Variants in CAMKK2 observed in about 807,000 individuals in gnomAD.
The protein encoded by CAMKK2 is calcium/calmodulin-dependent protein kinase kinase 2.
A neutral mutation model predicts 67.2 loss-of-function variants in CAMKK2; 30 were observed. The observed-to-expected ratio is 0.45, with a 90% confidence interval of 0.33 to 0.61. The LOEUF (loss-of-function observed/expected upper bound fraction) is 0.61, where lower values mean the gene tolerates loss of function less well. CAMKK2 is among the 20% of genes least tolerant of loss of function. CAMKK2 has a pLI of 0.02. For synonymous variants in CAMKK2, 322 were observed against 326.2 expected (o/e 0.99, Z 0.14); for missense variants, 643 against 802.0 (o/e 0.80, Z 2.39).
At chr12:121,264,072 G>T in intron 5 of CAMKK2, 133 bp from the exon 6 acceptor site, 1 of 825,544 alleles carries the variant, frequency 1.2e-6, no homozygotes, top group Admixed American at 3.0e-5. Context: ...GCTGCCACCA[G>T]GGGCTTTAAC....
chr12:121,278,745 C>A (rs1897234714), intron 1 of CAMKK2, among the ~76,000 whole-genome samples: 1 of 152,346 alleles, frequency 6.6e-6, no homozygotes, highest in South Asian at 2.1e-4. Context: ...TCCAGTTAAA[C>A]CTTTCTGTTG....
intron 1 of CAMKK2, among the ~76,000 whole-genome samples, chr12:121,281,319 G>A (rs1452721705): frequency 6.6e-6 from 1 of 152,208 alleles, no homozygotes; most frequent in Non-Finnish European, 1.5e-5. Context: ...TCCCAAGCCC[G>A]GACACACCTG....
At chr12:121,252,747 A>G (rs1301496351) in intron 10 of CAMKK2, 33 bp from the exon 11 acceptor site, 3 of 1,611,356 alleles carry the variant, frequency 1.9e-6, no homozygotes, top group Non-Finnish European at 2.5e-6. Flanking sequence ...TGAGGGCATA[A>G]GGGGTGGTCC....
In CAMKK2 at chr12:121,269,530, AG is replaced by A; in HGVS notation, c.570del (p.Tyr191MetfsTer3). ...GGGAGGAGAATGCGGATACTCACAT[AG>A]TAGGTATTGTCATTTTCATTGTAGG... Reference protein sequence around the residue: ...KLAYNENDNTYYAMKVLSKKK... With the variant: ...KLAYNENDNTXYAMKVLSKKK... On this transcript the variant is annotated frameshift_variant, in exon 4 of 17. Transcript: ENST00000404169. LOFTEE classifies it high-confidence loss of function. The A allele has an allele frequency of 1.9e-6, 3 of 1,602,570 alleles. No individual in the cohort carries two copies. Among genetic ancestry groups the A allele is most frequent in the Non-Finnish European group, 2.6e-6 (3 of 1,172,664 alleles).
intron 2 of CAMKK2, 22 bp downstream of exon 2, chr12:121,274,034 G>C: frequency 6.9e-7 from 1 of 1,453,084 alleles, no homozygotes; most frequent in Non-Finnish European, 9.1e-7. Context: ...CCTAGGACCT[G>C]GCTCACCACC....
chr12:121,293,833 C>T (rs1411404196), intron 1 of CAMKK2, among the ~76,000 whole-genome samples: 3 of 152,180 alleles, frequency 2.0e-5, no homozygotes, highest in Non-Finnish European at 2.9e-5. Context: ...CTCCAGAACC[C>T]TCAGTGCCCT....
At chr12:121,242,339 T>C (rs1888530565) in intron 16 of CAMKK2, among the ~76,000 whole-genome samples, 1 of 145,426 alleles carries the variant, frequency 6.9e-6, no homozygotes. Context: ...CAAGACCCTG[T>C]CTCAAAAAAA....
Position 121,268,083 on chromosome 12 carries a change from C to CATATAT in CAMKK2, c.625+549_625+554dup, listed in dbSNP as rs71850101. On this transcript the variant is annotated intron_variant, in intron 5 of 16. Coordinates refer to ENST00000404169, the MANE Select transcript of CAMKK2 (RefSeq NM_001270485.2). The stretch of plus-strand genomic sequence containing the variant: ...TGGCTGAATAATATTCCATTGGATG[C>CATATAT]ATATATATATATATATACTCTATTC... Among the ~76,000 whole-genome samples, 58 of 97,018 alleles carry CATATAT rather than the reference C, an allele frequency of 6.0e-4. 4 individuals are homozygous for CATATAT. The Middle Eastern group carries it at 0.016, about 27-fold the overall frequency. 63.6% of individuals were successfully genotyped at this position (97,018 alleles called of 152,430 possible).
intron 1 of CAMKK2, among the ~76,000 whole-genome samples, chr12:121,287,694 C>T (rs983087638): frequency 1.3e-5 from 2 of 152,192 alleles, no homozygotes; most frequent in Admixed American, 6.6e-5. Flanking sequence ...GGGCCAGGTA[C>T]AGTGGTGGCT....
intron 2 of CAMKK2, 60 bp downstream of exon 2, chr12:121,273,996 C>A (rs1566105761): frequency 1.1e-5 from 14 of 1,270,810 alleles, no homozygotes; most frequent in Non-Finnish European, 1.5e-5. Flanking sequence ...AGAGGCCCTG[C>A]TGGGGGCAGG....
intron 15 of CAMKK2, 55 bp from the exon 16 acceptor site, chr12:121,244,670 C>T (rs1232252404): frequency 1.8e-5 from 25 of 1,387,090 alleles, no homozygotes; most frequent in Admixed American, 1.1e-4. Context: ...TTGGGATCCA[C>T]GGGATGCCCG....
At chr12:121,276,910 G>C (rs1262021190) in intron 1 of CAMKK2, among the ~76,000 whole-genome samples, 1 of 106,032 alleles carries the variant, frequency 9.4e-6, no homozygotes, top group Non-Finnish European at 1.9e-5. Context: ...GGTGGGGGGG[G>C]GGTCTCTCTA....
intron 9 of CAMKK2, among the ~76,000 whole-genome samples, chr12:121,255,219 T>TATATATATATAAAA (rs71455196): frequency 2.6e-4 from 1 of 3,872 alleles, no homozygotes; most frequent in Non-Finnish European, 4.1e-4. Context: ...TATATATAAT[T>TATATATATATAAAA]TTATATATAT....
At chr12:121,255,528 C>A in intron 9 of CAMKK2, 22 bp downstream of exon 9, 1 of 1,590,294 alleles carries the variant, frequency 6.3e-7, no homozygotes, top group Non-Finnish European at 8.6e-7. Flanking sequence ...TGGGTGAGAG[C>A]CCTCCCGCAG....
Position 121,268,654 on chromosome 12 carries a change from C to T in CAMKK2, c.609G>A (p.Arg203=). 2 of 1,614,062 alleles carry T rather than the reference C, an allele frequency of 1.2e-6. No individual in the cohort carries two copies. Among genetic ancestry groups the T allele is most frequent in the Non-Finnish European group, 1.7e-6 (2 of 1,179,932 alleles). The change falls in exon 5 of 17, where the codon CGG becomes CGA. Residue 203 remains arginine (R), a synonymous_variant. Coordinates refer to ENST00000404169, the MANE Select transcript of CAMKK2 (RefSeq NM_001270485.2). ...MKVLSKKKLI[R]QAGFPRRPPP... ...CAAACTCACGTGGAAAGCCGGCCTG[C>T]CGGATCAGCTTCTTTTTGGACAGCA...
chr12:121,282,426 T>C (rs1897970518), intron 1 of CAMKK2, among the ~76,000 whole-genome samples: 1 of 152,082 alleles, frequency 6.6e-6, no homozygotes, highest in Admixed American at 6.5e-5. Flanking sequence ...GAATGTGGCC[T>C]TATTTGGAGA....
Position 121,239,311 on chromosome 12 carries a change from ACT to A in CAMKK2, c.*1386_*1387del, listed in dbSNP as rs1887978178. On this transcript the variant is annotated 3_prime_UTR_variant, in exon 17 of 17. Coordinates refer to ENST00000404169, the MANE Select transcript of CAMKK2 (RefSeq NM_001270485.2). Reference sequence around the variant, plus strand: ...CAGCTTTCCTCCCCCTCAACTTCACACTCCCCTACCTGTGGCTCTGGAAGGAG... The same window carrying A: ...CAGCTTTCCTCCCCCTCAACTTCACACCCCTACCTGTGGCTCTGGAAGGAG... 1.3e-5 allele frequency: 2 copies of A among 151,548 alleles called. No homozygotes were observed. Among genetic ancestry groups the A allele is most frequent in the African/African-American group, 4.9e-5 (2 of 41,150 alleles). The allele number at this position is 151,548 out of a possible 1,614,324, so 9.4% of individuals were successfully genotyped here. A position where few individuals can be genotyped will look rare whatever the true frequency, so the allele number is the denominator to read the frequency against.
At position 121,253,567 on chromosome 12, in the gene CAMKK2, C is replaced by T; in HGVS notation, c.908-95G>A. ...ATGGCCTGGAGACACAGGCATGGCA[C>T]CCCTCTGATGCCTTGTCTCCCACAG... On this transcript the variant is annotated intron_variant, in intron 9 of 16. Coordinates refer to ENST00000404169, the MANE Select transcript of CAMKK2 (RefSeq NM_001270485.2). This position sits in a 1 kb window ranked among gnomAD's most constrained non-coding sequence, Gnocchi z 5.0. 2 of 1,030,520 alleles carry T rather than the reference C, an allele frequency of 1.9e-6. No homozygotes were observed. 63.8% of individuals were successfully genotyped at this position (1,030,520 alleles called of 1,614,324 possible). A position where few individuals can be genotyped will look rare whatever the true frequency, so the allele number is the denominator to read the frequency against.
chr12:121,251,454 A>C (rs771480343), intron 11 of CAMKK2, among the ~76,000 whole-genome samples: 4 of 152,178 alleles, frequency 2.6e-5, no homozygotes, highest in Non-Finnish European at 5.9e-5. Flanking sequence ...GGCTTTCCTC[A>C]ATAAGAACAC....
Sources: gnomAD v4.1 joint callset for allele counts (sites outside exome capture counted in the v4.1 genomes callset) on GRCh38, gnomAD v4.1.1 for gene constraint, Gnocchi (gnomAD v3.1) non-coding constraint, MANE v1.5 for transcripts, NCBI Gene and HGNC (gene_info 2026-07-23, HGNC 2026-07-21) for gene names.